The following TAF12 variants were observed in gnomAD, a reference collection of about 807,000 sequenced individuals.
The protein encoded by TAF12 is transcription initiation factor TFIID subunit 12.
Under a neutral mutation model 20.8 loss-of-function variants are expected in TAF12, and 3 were observed. The observed-to-expected ratio is 0.14, with a 90% CI of 0.07 to 0.37. The LOEUF (loss-of-function observed/expected upper bound fraction) is 0.37, where lower values mean the gene tolerates loss of function less well. Ranked by LOEUF, TAF12 falls within the 10% of genes least tolerant of loss-of-function variation. The pLI, the probability that TAF12 is intolerant of heterozygous loss-of-function variation, is 1.00. For synonymous variants in TAF12, 69 were observed against 70.2 expected, an observed-to-expected ratio of 0.98 and a Z score of 0.09; for missense variants, 131 against 197.9, an observed-to-expected ratio of 0.66 and a Z score of 2.03.
At chr1:28,617,845 G>T (rs1667092249) in intron 3 of TAF12, 108 bp downstream of exon 3, 1 of 1,031,298 alleles carries the variant, frequency 9.7e-7, no homozygotes, top group Non-Finnish European at 1.5e-6. Context: ...CTCCTGCTTT[G>T]GTCTCTCAAA....
intron 1 of TAF12, among the ~76,000 whole-genome samples, chr1:28,628,494 G>C (rs1316727161): frequency 6.6e-6 from 1 of 152,114 alleles, no homozygotes; most frequent in Non-Finnish European, 1.5e-5. Context: ...AGGGCATGTA[G>C]GAGAGGAATA....
Position 28,631,533 on chromosome 1 carries a change from A to C in TAF12, c.-84-9368T>G, listed in dbSNP as rs576939636. 8.6e-5 allele frequency among the ~76,000 whole-genome samples: 13 copies of C among 151,918 alleles called. No individual in the cohort carries two copies. In the South Asian group the frequency reaches 2.3e-3, roughly 27 times the overall value. On this transcript the variant is annotated intron_variant, in intron 1 of 5. Transcript: ENST00000373824. ...GAACAAGACTCCTTCTCTCCAAAAA[A>C]AAAGAAAATGGGCAGACTGGGCATG...
chr1:28,620,510 A>G (rs1667186420), intron 2 of TAF12, among the ~76,000 whole-genome samples: 1 of 151,384 alleles, frequency 6.6e-6, no homozygotes, highest in Non-Finnish European at 1.5e-5. Flanking sequence ...ATCTCTGCTC[A>G]CTGCAAGCTC....
rs760955522 is a variant in TAF12 at position 28,621,984 on chromosome 1, T to C, written c.98A>G (p.Asn33Ser). 3 of 1,614,032 alleles carry C rather than the reference T, an allele frequency of 1.9e-6. No individual in the cohort carries two copies. The African/African-American group carries it at 4.0e-5, about 22-fold the overall frequency. Reference sequence around the variant, plus strand: ...TGGTATCTTTACCACTGCAGTACTATTGGCCATGGAGCCTTGTGGAGGGGT... The same window carrying C: ...TGGTATCTTTACCACTGCAGTACTACTGGCCATGGAGCCTTGTGGAGGGGT... ...ASTPPQGSMA[N>S]STAVVKIPGT... Residue 33 changes from asparagine to serine, a missense_variant, in exon 2 of 6, where the codon AAT (asparagine) becomes AGT (serine). Physicochemically the swap from Asn to Ser is conservative, Grantham distance 46. This residue lies in a region of TAF12 where 63 missense variants were observed against 72.1 expected (regional missense o/e 0.87). Coordinates refer to ENST00000373824, the MANE Select transcript of TAF12 (RefSeq NM_005644.4).
At chr1:28,618,779 C>G (rs1385002842) in intron 2 of TAF12, among the ~76,000 whole-genome samples, 1 of 152,098 alleles carries the variant, frequency 6.6e-6, no homozygotes, top group Non-Finnish European at 1.5e-5. Flanking sequence ...TACCCTTTAT[C>G]ATTGTGCATA....
intron 3 of TAF12, 92 bp from the exon 4 acceptor site, chr1:28,613,453 T>C: frequency 3.9e-6 from 4 of 1,036,060 alleles, no homozygotes; most frequent in South Asian, 1.6e-5. Context: ...ATTGCATATT[T>C]AGTCAGGCAT....
At chr1:28,634,032 G>A (rs975206198) in intron 1 of TAF12, among the ~76,000 whole-genome samples, 4 of 151,812 alleles carry the variant, frequency 2.6e-5, no homozygotes, top group Admixed American at 6.6e-5. Context: ...GCAGTTAGCC[G>A]AGATTGCGCC....
At chr1:28,641,402 G>T (rs1245617906) in intron 1 of TAF12, among the ~76,000 whole-genome samples, 1 of 152,054 alleles carries the variant, frequency 6.6e-6, no homozygotes, top group Non-Finnish European at 1.5e-5. Context: ...AGAATCGTTT[G>T]AACTGGGGAA....
chr1:28,647,742 C>G (rs1258367555), upstream of TAF12, among the ~76,000 whole-genome samples: 2 of 152,058 alleles, frequency 1.3e-5, no homozygotes, highest in Non-Finnish European at 2.9e-5. Context: ...GGCATGGTGG[C>G]AGGGGCCTGT....
At chr1:28,606,237 T>A (rs1015797020) in intron 4 of TAF12, among the ~76,000 whole-genome samples, 14 of 152,078 alleles carry the variant, frequency 9.2e-5, no homozygotes, top group African/African-American at 3.4e-4. Flanking sequence ...GACCTCGTGA[T>A]CCACCCACCT....
intron 1 of TAF12, among the ~76,000 whole-genome samples, chr1:28,635,505 C>T (rs1243949924): frequency 6.6e-6 from 1 of 151,452 alleles, no homozygotes; most frequent in East Asian, 2.0e-4. Context: ...TGGGGTTTCA[C>T]CGTGTTAGCC....
At chr1:28,605,567 T>A (rs1459929438) in intron 4 of TAF12, 107 bp from the exon 5 acceptor site, 18 of 993,778 alleles carry the variant, frequency 1.8e-5, no homozygotes, top group Non-Finnish European at 2.4e-5. Context: ...ATCTGGCTAC[T>A]AACTCCACAA....
In TAF12 at chr1:28,634,242, C is replaced by T. The variant is rs1005158944; in HGVS notation, c.-85+8750G>A. Among the ~76,000 whole-genome samples the T allele has an allele frequency of 4.7e-5, 7 of 149,352 alleles. No homozygotes were observed. The South Asian group carries it at 6.4e-4, about 14-fold the overall frequency. On this transcript the variant is annotated intron_variant, in intron 1 of 5. Transcript: ENST00000373824. ...CATCCTGACCAACATGGTGAAACTC[C>T]GTCTCTACTAAAAATACAAAAAAAT...
intron 4 of TAF12, among the ~76,000 whole-genome samples, chr1:28,606,758 C>T (rs1450571225): frequency 6.6e-6 from 1 of 152,190 alleles, no homozygotes; most frequent in Admixed American, 6.5e-5. Context: ...GACATGAAGG[C>T]ACTTCAAGCA....
At position 28,622,014 on chromosome 1, in the gene TAF12, G is replaced by T. The variant is rs765386621; in HGVS notation, c.68C>A (p.Ala23Asp). 1 of 1,613,940 alleles carries T rather than the reference G, an allele frequency of 6.2e-7. No homozygotes were observed. The highest frequency in any genetic ancestry group is 1.3e-5 in the African/African-American group (1 of 74,908). The change falls in exon 2 of 6, where the codon GCC becomes GAC. Residue 23 changes from alanine to aspartate, a missense_variant. Ala to Asp is a moderately radical substitution (Grantham distance 126, BLOSUM62 -2). Transcript: ENST00000373824. ...SNFSSIKPEP[A>D]STPPQGSMAN... The stretch of plus-strand genomic sequence containing the variant: ...CATGGAGCCTTGTGGAGGGGTGCTG[G>T]CTGGTTCCGGTTTTATGGATGAGAA...
chr1:28,613,402 A>C, intron 3 of TAF12, 41 bp from the exon 4 acceptor site: 1 of 1,539,742 alleles, frequency 6.5e-7, no homozygotes, highest in Non-Finnish European at 8.9e-7. Flanking sequence ...CGACATTGGC[A>C]GGGTAGGCTC....
upstream of TAF12, chr1:28,645,949 C>T (rs1379822924): frequency 1.4e-5 from 2 of 144,096 alleles, no homozygotes; most frequent in Non-Finnish European, 3.0e-5. Flanking sequence ...ACCTGGGCAA[C>T]AGAGTGAGAC....
chr1:28,629,584 C>A (rs1172248249), intron 1 of TAF12, among the ~76,000 whole-genome samples: 1 of 152,154 alleles, frequency 6.6e-6, no homozygotes, highest in Non-Finnish European at 1.5e-5. Context: ...GATCCACCCA[C>A]CTCGGCCTCC....
chr1:28,634,330 A>T (rs1482328574), intron 1 of TAF12, among the ~76,000 whole-genome samples: 2 of 148,234 alleles, frequency 1.3e-5, no homozygotes, highest in Admixed American at 1.4e-4. Flanking sequence ...GCAGGACAAT[A>T]GCTTGAACTC....
Sources: gnomAD v4.1 joint callset for allele counts (sites outside exome capture counted in the v4.1 genomes callset) on GRCh38, gnomAD v4.1.1 for gene constraint, gnomAD v4.1.1 regional missense constraint, MANE v1.5 for transcripts, NCBI Gene and HGNC (gene_info 2026-07-23, HGNC 2026-07-21) for gene names.